SCAMP1: variants seen among roughly 807,000 people sequenced by gnomAD.
SCAMP1 encodes the protein secretory carrier membrane protein 1.
Under a neutral mutation model 41.8 loss-of-function variants are expected in SCAMP1, and 15 were observed. The ratio of observed to expected loss-of-function variants is 0.36; its 90% CI spans 0.24 to 0.55. SCAMP1 has a LOEUF of 0.55. SCAMP1 is among the 20% of genes least tolerant of loss of function. SCAMP1 has a pLI of 0.86. For synonymous variants in SCAMP1, 135 were observed against 136.8 expected (o/e 0.99, Z 0.09); for missense variants, 341 against 412.6 (o/e 0.83, Z 1.50).
intron 3 of SCAMP1, 42 bp from the exon 4 acceptor site, chr5:78,416,499 T>C (rs759351510): frequency 1.4e-6 from 2 of 1,422,086 alleles, no homozygotes; most frequent in African/African-American, 2.9e-5. Flanking sequence ...AAGTATTTTA[T>C]ACTTCTGACA....
At chr5:78,430,030 T>C (rs1752564923) in intron 6 of SCAMP1, among the ~76,000 whole-genome samples, 2 of 150,234 alleles carry the variant, frequency 1.3e-5, no homozygotes, top group Admixed American at 6.7e-5. Context: ...TTTATTACTA[T>C]GTAAATAGTA....
chr5:78,430,495 GAA>G (rs1286872867), intron 6 of SCAMP1, among the ~76,000 whole-genome samples: 2 of 151,396 alleles, frequency 1.3e-5, no homozygotes, highest in Non-Finnish European at 3.0e-5. Context: ...TATATAACCA[GAA>G]AAAGAGATTT....
intron 2 of SCAMP1, among the ~76,000 whole-genome samples, chr5:78,389,618 C>T (rs1751436593): frequency 6.6e-6 from 1 of 152,102 alleles, no homozygotes; most frequent in Non-Finnish European, 1.5e-5. Context: ...AAAAAATCCT[C>T]ATAAAACAGT....
intron 1 of SCAMP1, among the ~76,000 whole-genome samples, chr5:78,371,015 A>G (rs1018619180): frequency 9.8e-6 from 1 of 101,568 alleles, no homozygotes; most frequent in African/African-American, 3.0e-5. Flanking sequence ...AGATTGGGTT[A>G]TTTGTCTTTT....
intron 1 of SCAMP1, chr5:78,361,028 C>T (rs1006629353): frequency 8.6e-6 from 3 of 349,458 alleles, no homozygotes; most frequent in Admixed American, 4.8e-5. Flanking sequence ...GGTCCTGGCC[C>T]GCCTCTCAGG....
intron 8 of SCAMP1, among the ~76,000 whole-genome samples, chr5:78,460,820 C>CCTTCTTTCTTTCTTT (rs1580715544): frequency 3.5e-5 from 1 of 28,172 alleles, no homozygotes; most frequent in Non-Finnish European, 1.2e-4. Context: ...TTCCTTCCTT[C>CCTTCTTTCTTTCTTT]CTTTCTTGTC....
chr5:78,373,421 T>G (rs1750992190), intron 1 of SCAMP1, among the ~76,000 whole-genome samples: 1 of 152,150 alleles, frequency 6.6e-6, no homozygotes, highest in African/African-American at 2.4e-5. Context: ...AGAGACTGAC[T>G]AACTCAACCT....
intron 6 of SCAMP1, among the ~76,000 whole-genome samples, chr5:78,437,584 G>A (rs1331594081): frequency 6.6e-6 from 1 of 152,166 alleles, no homozygotes; most frequent in Non-Finnish European, 1.5e-5. Flanking sequence ...TGGTGGATAA[G>A]CTTTTTGATG....
chr5:78,361,440 G>C (rs1750650006), intron 1 of SCAMP1, among the ~76,000 whole-genome samples: 1 of 152,106 alleles, frequency 6.6e-6, no homozygotes, highest in African/African-American at 2.4e-5. Flanking sequence ...GTAAACGATG[G>C]GATATTTTCC....
Position 78,418,813 on chromosome 5 carries a change from C to A in SCAMP1, c.382C>A (p.Pro128Thr). The change falls in exon 5 of 9, where the codon CCT becomes ACT. Residue 128 changes from proline (P) to threonine (T), a missense_variant. Coordinates refer to ENST00000621999, the MANE Select transcript of SCAMP1 (RefSeq NM_004866.6). ...TTGGCCACCTCTTCCTAGCAATTTT[C>A]CTGTCGGACCTTGTTTCTATCAGGA... ...NNWPPLPSNFPVGPCFYQDFS... is the reference protein window; with the variant it reads ...NNWPPLPSNFTVGPCFYQDFS... 1 of 1,569,386 alleles carries A rather than the reference C, an allele frequency of 6.4e-7. No individual in the cohort carries two copies. Among genetic ancestry groups the A allele is most frequent in the Non-Finnish European group, 8.6e-7 (1 of 1,157,850 alleles).
At position 78,478,644 on chromosome 5, in the gene SCAMP1, T is replaced by G. The variant is rs1006966809; in HGVS notation, c.*2976T>G. On this transcript the variant is annotated 3_prime_UTR_variant, in exon 9 of 9. Coordinates refer to ENST00000621999, the MANE Select transcript of SCAMP1 (RefSeq NM_004866.6). ...GGGTGTCTCTGTACTAGTATTGTATTTATTCAATTGAACTTGTATTCTGAT... is the reference window on the plus strand; with the variant it reads ...GGGTGTCTCTGTACTAGTATTGTATGTATTCAATTGAACTTGTATTCTGAT... The G allele has an allele frequency of 6.6e-6, 1 of 152,166 alleles. No individual in the cohort carries two copies. The highest frequency in any genetic ancestry group is 1.9e-4 in the East Asian group (1 of 5,192). 9.4% of individuals were successfully genotyped at this position (152,166 alleles called of 1,614,324 possible).
chr5:78,360,807 T>A, intron 1 of SCAMP1, 79 bp downstream of exon 1: 1 of 1,392,468 alleles, frequency 7.2e-7, no homozygotes, highest in Non-Finnish European at 9.9e-7. Flanking sequence ...TCGCGCCCAC[T>A]GCGTCTGCCC....
chr5:78,377,401 ATATTCAG>A (rs1482085650), intron 1 of SCAMP1, among the ~76,000 whole-genome samples: 1 of 152,084 alleles, frequency 6.6e-6, no homozygotes, highest in Admixed American at 6.6e-5. Flanking sequence ...TTTATGTCTC[ATATTCAG>A]TCTCCTCAAA....
chr5:78,472,971 T>C (rs975821695), intron 8 of SCAMP1, among the ~76,000 whole-genome samples: 1 of 152,194 alleles, frequency 6.6e-6, no homozygotes, highest in Non-Finnish European at 1.5e-5. Flanking sequence ...AAGATTTCTA[T>C]AATACACTTC....
chr5:78,372,004 G>A (rs943603450), intron 1 of SCAMP1, among the ~76,000 whole-genome samples: 2 of 152,150 alleles, frequency 1.3e-5, no homozygotes, highest in African/African-American at 4.8e-5. Context: ...ACATTTGAAT[G>A]CAAATAATTT....
intron 2 of SCAMP1, among the ~76,000 whole-genome samples, chr5:78,389,267 T>A (rs1554041885): frequency 1.3e-5 from 2 of 152,216 alleles, no homozygotes; most frequent in Non-Finnish European, 2.9e-5. Context: ...GATTTTTTTT[T>A]ACGTGGAAAC....
At chr5:78,460,214 A>G (rs943184522) in intron 8 of SCAMP1, among the ~76,000 whole-genome samples, 4 of 152,224 alleles carry the variant, frequency 2.6e-5, no homozygotes, top group Non-Finnish European at 5.9e-5. Context: ...CAATAAGCAT[A>G]TGAGTGCAGG....
intron 7 of SCAMP1, among the ~76,000 whole-genome samples, chr5:78,451,812 G>T (rs1173565987): frequency 6.6e-6 from 1 of 152,090 alleles, no homozygotes; most frequent in Non-Finnish European, 1.5e-5. Flanking sequence ...CTGCCACCCA[G>T]CCCAGCTAAT....
intron 2 of SCAMP1, among the ~76,000 whole-genome samples, chr5:78,397,713 G>A (rs1408477304): frequency 2.0e-5 from 3 of 152,146 alleles, no homozygotes; most frequent in Admixed American, 1.3e-4. Flanking sequence ...TTGAGGTCAG[G>A]AGTTCAAGAC....
Sources: allele counts gnomAD v4.1 joint callset (sites outside exome capture counted in the v4.1 genomes callset), GRCh38; gene constraint gnomAD v4.1.1; transcripts MANE v1.5; gene names NCBI Gene and HGNC (gene_info 2026-07-23, HGNC 2026-07-21).